AIMP2: variants seen among roughly 807,000 people sequenced by gnomAD.
The protein encoded by AIMP2 is aminoacyl tRNA synthetase complex interacting multifunctional protein 2, also known as aminoacyl tRNA synthase complex-interacting multifunctional protein 2.
Under a neutral mutation model 23.4 loss-of-function variants are expected in AIMP2, and 20 were observed. The observed-to-expected ratio is 0.85, with a 90% CI of 0.60 to 1.24. The LOEUF (loss-of-function observed/expected upper bound fraction) is 1.24, where lower values mean the gene tolerates loss of function less well. Ranked by LOEUF, AIMP2 falls within the 50% of genes most tolerant of loss-of-function variation. AIMP2 has a pLI of 0.00. For synonymous variants in AIMP2, 210 were observed against 170.4 expected (o/e 1.23, Z -1.81); for missense variants, 515 against 414.5 (o/e 1.24, Z -2.10).
Position 6,023,753 on chromosome 7 carries a change from T to C in AIMP2, c.*62T>C. 4 of 1,612,392 alleles carry C rather than the reference T, an allele frequency of 2.5e-6. No homozygotes were observed. The highest frequency in any genetic ancestry group is 3.4e-6 in the Non-Finnish European group (4 of 1,179,050). ...GAATGGTGCTCTTTCATGCCTATTA[T>C]CAGTAAGGGGACTTGTATTAGAGTC... On this transcript the variant is annotated 3_prime_UTR_variant, in exon 4 of 4. Transcript: ENST00000223029.
Position 6,023,773 on chromosome 7 carries a change from A to G in AIMP2, c.*82A>G, listed in dbSNP as rs1359313748. 2 of 1,604,534 alleles carry G rather than the reference A, an allele frequency of 1.2e-6. No individual in the cohort carries two copies. Among genetic ancestry groups the G allele is most frequent in the East Asian group, 2.2e-5 (1 of 44,774 alleles). ...TATTATCAGTAAGGGGACTTGTATT[A>G]GAGTCAGAGTCTTTTTATTTAGGCC... is the stretch of plus-strand genomic sequence containing the variant. On this transcript the variant is annotated 3_prime_UTR_variant, in exon 4 of 4. Transcript: ENST00000223029.
Position 6,018,016 on chromosome 7 carries a change from A to C in AIMP2, c.545A>C (p.Gln182Pro), listed in dbSNP as rs755018110. The part of the protein sequence containing the change: ...QNKKQPRQDY[Q>P]LGFTLIWKNV... ...AAAAAACAGCCCCGCCAAGACTATC[A>C]GCTGGGATTCACTTTAATTTGGAAG... The change falls in exon 3 of 4, where the codon CAG (glutamine) becomes CCG (proline). Residue 182 changes from glutamine to proline, a missense_variant. Coordinates refer to ENST00000223029, the MANE Select transcript of AIMP2 (RefSeq NM_006303.4). 6.2e-7 allele frequency: 1 copy of C among 1,614,030 alleles called. No homozygotes were observed. Among genetic ancestry groups the C allele is most frequent in the Non-Finnish European group, 8.5e-7 (1 of 1,179,992 alleles).
chr7:6,018,191 G>C, intron 3 of AIMP2, 146 bp downstream of exon 3: 1 of 678,566 alleles, frequency 1.5e-6, no homozygotes, highest in Middle Eastern at 2.8e-4. Context: ...CTGTCACCCA[G>C]GCTGGAGTGC....
At chr7:6,011,839 ATTTGTT>A (rs960070591) in intron 1 of AIMP2, among the ~76,000 whole-genome samples, 1 of 152,124 alleles carries the variant, frequency 6.6e-6, no homozygotes, top group Admixed American at 6.5e-5. Context: ...AGTCTGTTTT[ATTTGTT>A]TTTAAGTCTG....
At chr7:6,011,216 G>T (rs551297280) in intron 1 of AIMP2, among the ~76,000 whole-genome samples, 2 of 152,114 alleles carry the variant, frequency 1.3e-5, no homozygotes. Flanking sequence ...TCAGCGGCCC[G>T]CCTGGCTTTC....
intron 2 of AIMP2, among the ~76,000 whole-genome samples, 169 bp downstream of exon 2, chr7:6,015,521 G>A (rs1236493664): frequency 3.3e-5 from 5 of 151,860 alleles, no homozygotes; most frequent in East Asian, 1.9e-4. Flanking sequence ...TCAGGAGATC[G>A]AGACCATCCT....
intron 3 of AIMP2, 27 bp from the exon 4 acceptor site, chr7:6,023,276 G>C (rs780134092): frequency 7.1e-6 from 11 of 1,560,040 alleles, no homozygotes; most frequent in Non-Finnish European, 9.5e-6. Flanking sequence ...CTCTGGTGAT[G>C]CTACCTGGCG....
intron 1 of AIMP2, chr7:6,013,116 C>T (rs1786794804): frequency 7.9e-6 from 3 of 380,800 alleles, no homozygotes; most frequent in South Asian, 2.1e-4. Context: ...GGCTAGAGCA[C>T]AGGCAAAGGA....
At position 6,009,503 on chromosome 7, in the gene AIMP2, G is replaced by C; in HGVS notation, c.135+5G>C. ...CCGGGCGCTGGCCACGTGCAGGTAG[G>C]AGCGCGGGGCCCCCCGCCCAGTGCG... On this transcript the variant is annotated splice_donor_5th_base_variant and intron_variant, in intron 1 of 3. Transcript: ENST00000223029. The C allele has an allele frequency of 6.6e-7, 1 of 1,519,690 alleles. No homozygotes were observed. The highest frequency in any genetic ancestry group is 8.8e-7 in the Non-Finnish European group (1 of 1,141,732). The allele number at this position is 1,519,690 out of a possible 1,614,324, so 94.1% of individuals were successfully genotyped here.
At chr7:6,015,066 A>G in intron 1 of AIMP2, 80 bp from the exon 2 acceptor site, 1 of 1,599,028 alleles carries the variant, frequency 6.3e-7, no homozygotes, top group South Asian at 1.1e-5. Context: ...AGTGCATGGC[A>G]AAGTAAGACA....
intron 1 of AIMP2, among the ~76,000 whole-genome samples, chr7:6,014,474 T>C (rs2128877677): frequency 6.9e-6 from 1 of 144,502 alleles, no homozygotes; most frequent in South Asian, 2.3e-4. Flanking sequence ...GCCAGGCTGG[T>C]CTCAAACTCT....
chr7:6,009,286 C>T lies in AIMP2; in HGVS notation c.-78C>T, dbSNP rs558319832. 1.0e-4 allele frequency: 164 copies of T among 1,606,730 alleles called. 1 individual carries two copies. The highest frequency in any genetic ancestry group is 9.6e-4 in the African/African-American group (72 of 74,916). On this transcript the variant is annotated 5_prime_UTR_variant, in exon 1 of 4. Coordinates refer to ENST00000223029, the MANE Select transcript of AIMP2 (RefSeq NM_006303.4). Reference sequence around the variant, plus strand: ...GCAGCAGGGTCAGAAGGGAGGTGGCCGGTCTCCGTCGTGACCTCTGACGGT... The same window carrying T: ...GCAGCAGGGTCAGAAGGGAGGTGGCTGGTCTCCGTCGTGACCTCTGACGGT...
At chr7:6,010,807 GT>G (rs35316507) in intron 1 of AIMP2, among the ~76,000 whole-genome samples, 160 of 143,276 alleles carry the variant, frequency 1.1e-3, no homozygotes, top group Middle Eastern at 3.6e-3. Flanking sequence ...GTGTCTGGGT[GT>G]TTTTTTTTTT....
At chr7:6,018,072 T>TA (rs761188959) in intron 3 of AIMP2, 27 bp downstream of exon 3, 8 of 1,569,270 alleles carry the variant, frequency 5.1e-6, no homozygotes, top group South Asian at 3.4e-5. Context: ...GAGTTCAACT[T>TA]ACACACAGCT....
rs926430593 is a variant in AIMP2 at position 6,023,354 on chromosome 7, G to A, written c.626G>A (p.Gly209Asp). ...ATCCAGACGATGTGCCCCATCGAAGGCGAAGGGAACATTGCACGTTTCTTG... is the reference window on the plus strand; with the variant it reads ...ATCCAGACGATGTGCCCCATCGAAGACGAAGGGAACATTGCACGTTTCTTG... Reference protein sequence around the residue: ...FSIQTMCPIEGEGNIARFLFS... With the variant: ...FSIQTMCPIEDEGNIARFLFS... The change falls in exon 4 of 4, where the codon GGC becomes GAC. Residue 209 changes from glycine to aspartate, a missense_variant. Coordinates refer to ENST00000223029, the MANE Select transcript of AIMP2 (RefSeq NM_006303.4). The A allele has an allele frequency of 1.9e-6, 3 of 1,612,288 alleles. No homozygotes were observed. In the African/African-American group the frequency reaches 4.0e-5, roughly 22 times the overall value.
At chr7:6,009,542 C>G (rs746066008) in intron 1 of AIMP2, 44 bp downstream of exon 1, 4 of 1,382,680 alleles carry the variant, frequency 2.9e-6, no homozygotes, top group East Asian at 3.0e-5. Context: ...GCGCGGCGAC[C>G]GGCTGCTGGC....
chr7:6,010,805 G>GT (rs1179456720), intron 1 of AIMP2, among the ~76,000 whole-genome samples: 3 of 109,144 alleles, frequency 2.7e-5, no homozygotes, highest in East Asian at 5.5e-4. Context: ...ATGTGTCTGG[G>GT]TGTTTTTTTT....
At chr7:6,016,154 C>T (rs1031477421) in intron 2 of AIMP2, among the ~76,000 whole-genome samples, 7 of 152,090 alleles carry the variant, frequency 4.6e-5, no homozygotes, top group Non-Finnish European at 7.3e-5. Context: ...ATTTCAAATG[C>T]GTTTTGCTTG....
intron 2 of AIMP2, among the ~76,000 whole-genome samples, chr7:6,016,062 CAACTTTCAGAACT>C (rs1391542398): frequency 6.6e-6 from 1 of 152,146 alleles, no homozygotes; most frequent in Non-Finnish European, 1.5e-5. Flanking sequence ...GATCACAGGC[CAACTTTCAGAACT>C]GTGACTGCCC....
Sources: allele counts gnomAD v4.1 joint callset (sites outside exome capture counted in the v4.1 genomes callset), GRCh38; gene constraint gnomAD v4.1.1; transcripts MANE v1.5; gene names NCBI Gene and HGNC (gene_info 2026-07-23, HGNC 2026-07-21).